LRRTM4: variants seen among roughly 807,000 people sequenced by gnomAD.
LRRTM4 encodes leucine-rich repeat transmembrane neuronal protein 4.
LRRTM4 carries 25 observed loss-of-function variants against 47.6 expected under a neutral mutation model. That is an observed-to-expected ratio of 0.53 (90% CI 0.38 to 0.73). LRRTM4 has a LOEUF of 0.73. LRRTM4 is among the 30% of genes least tolerant of loss of function. LRRTM4 has a pLI of 0.00. For missense variants in LRRTM4, 638 were observed against 713.4 expected, an observed-to-expected ratio of 0.89 and a Z score of 1.20; for synonymous variants, 311 against 269.5, an observed-to-expected ratio of 1.15 and a Z score of -1.51.
rs1210748403 is a variant in LRRTM4 at position 77,101,118 on chromosome 2, C to G, written c.1552-352202G>C. Among the ~76,000 whole-genome samples, 5 of 152,014 alleles carry G rather than the reference C, an allele frequency of 3.3e-5. 1 individual carries two copies. The East Asian group carries it at 9.7e-4, about 29-fold the overall frequency. ...CCAAAGTGCTGGGACGTAGTACTGA[C>G]TTTTTTAGTTAATCTTACCATCTAT... On this transcript the variant is annotated intron_variant, in intron 3 of 3. Coordinates refer to ENST00000409884, the MANE Select transcript of LRRTM4 (RefSeq NM_001134745.3).
At chr2:76,961,012 G>C (rs528576359) in intron 3 of LRRTM4, among the ~76,000 whole-genome samples, 40 of 151,510 alleles carry the variant, frequency 2.6e-4, no homozygotes, top group African/African-American at 8.4e-4. Flanking sequence ...ACTTGTGAAA[G>C]ATTAGAGAAT....
chr2:76,960,243 G>A (rs182893264), intron 3 of LRRTM4, among the ~76,000 whole-genome samples: 45 of 151,660 alleles, frequency 3.0e-4, no homozygotes, highest in African/African-American at 8.7e-4. Flanking sequence ...TGTTTCAAGT[G>A]TATCAGCTAG....
chr2:77,411,424 C>CTTTGTTTCTT (rs72056870), intron 3 of LRRTM4, among the ~76,000 whole-genome samples: 8 of 94,420 alleles, frequency 8.5e-5, no homozygotes, highest in African/African-American at 2.3e-4. Context: ...TTTCTTGTTT[C>CTTTGTTTCTT]TCTCTCTCTC....
At chr2:77,149,862 C>T (rs1345328252) in intron 3 of LRRTM4, among the ~76,000 whole-genome samples, 1 of 152,178 alleles carries the variant, frequency 6.6e-6, no homozygotes, top group Non-Finnish European at 1.5e-5. Flanking sequence ...ACTCTCCCTC[C>T]TGCTCTGATA....
intron 3 of LRRTM4, among the ~76,000 whole-genome samples, chr2:77,382,932 C>T (rs1403646717): frequency 6.6e-6 from 1 of 152,054 alleles, no homozygotes; most frequent in Non-Finnish European, 1.5e-5. Flanking sequence ...TTGAGTGGAG[C>T]ACTGAAATAA....
chr2:77,468,506 A>G (rs1457399950), intron 3 of LRRTM4, among the ~76,000 whole-genome samples: 1 of 152,190 alleles, frequency 6.6e-6, no homozygotes, highest in African/African-American at 2.4e-5. Flanking sequence ...CAAGTACTGG[A>G]AATCTTCAAA....
At chr2:76,859,440 A>T (rs1672248381) in intron 3 of LRRTM4, among the ~76,000 whole-genome samples, 1 of 152,138 alleles carries the variant, frequency 6.6e-6, no homozygotes, top group African/African-American at 2.4e-5. Flanking sequence ...TATTTATGTT[A>T]ATAGTATTGC....
At chr2:77,478,055 TC>T (rs1677508167) in intron 3 of LRRTM4, among the ~76,000 whole-genome samples, 1 of 152,118 alleles carries the variant, frequency 6.6e-6, no homozygotes, top group Non-Finnish European at 1.5e-5. Context: ...AGTATCCTCT[TC>T]AAGGCTACAT....
intron 3 of LRRTM4, among the ~76,000 whole-genome samples, chr2:77,231,223 G>GCA (rs1037299777): frequency 2.0e-5 from 3 of 150,286 alleles, no homozygotes; most frequent in Non-Finnish European, 4.4e-5. Context: ...ACACACACAT[G>GCA]CACACACACA....
chr2:77,311,033 G>A (rs1485247114), intron 3 of LRRTM4, among the ~76,000 whole-genome samples: 1 of 151,472 alleles, frequency 6.6e-6, no homozygotes, highest in East Asian at 1.9e-4. Flanking sequence ...TGGTGTGTGT[G>A]TGTGAGAGAT....
At chr2:76,871,171 A>T (rs749863184) in intron 3 of LRRTM4, among the ~76,000 whole-genome samples, 1 of 152,216 alleles carries the variant, frequency 6.6e-6, no homozygotes, top group Non-Finnish European at 1.5e-5. Context: ...TTCCATACAT[A>T]TAGAGATGCT....
intron 3 of LRRTM4, among the ~76,000 whole-genome samples, chr2:77,406,602 G>T (rs551884315): frequency 6.6e-6 from 1 of 151,912 alleles, no homozygotes; most frequent in South Asian, 2.1e-4. Flanking sequence ...CACCCAGTCT[G>T]ACATGCTCTC....
intron 3 of LRRTM4, among the ~76,000 whole-genome samples, chr2:77,007,216 G>C (rs1454456686): frequency 6.6e-6 from 1 of 151,840 alleles, no homozygotes; most frequent in African/African-American, 2.4e-5. Flanking sequence ...GATGAAGTGT[G>C]GGCACATTTG....
At chr2:77,088,838 T>A (rs978667235) in intron 3 of LRRTM4, among the ~76,000 whole-genome samples, 9 of 152,124 alleles carry the variant, frequency 5.9e-5, no homozygotes, top group African/African-American at 2.2e-4. Flanking sequence ...CGGCATCTTT[T>A]TACTCTCTTC....
intron 3 of LRRTM4, among the ~76,000 whole-genome samples, chr2:77,038,552 C>T (rs531791580): frequency 6.6e-6 from 1 of 151,444 alleles, no homozygotes; most frequent in African/African-American, 2.4e-5. Context: ...ATTCTGTATC[C>T]CCTTCAGTTG....
At chr2:76,812,373 T>G (rs764869717) in intron 3 of LRRTM4, among the ~76,000 whole-genome samples, 1 of 152,164 alleles carries the variant, frequency 6.6e-6, no homozygotes, top group East Asian at 1.9e-4. Flanking sequence ...ACCAATGAAA[T>G]GCTCTCTGAG....
intron 3 of LRRTM4, among the ~76,000 whole-genome samples, chr2:76,829,257 T>G (rs79596314): frequency 0.077 from 11,683 of 152,028 alleles, 496 homozygotes; most frequent in Middle Eastern, 0.14. Context: ...TTAATCTTAG[T>G]TGAGGGTGTC....
chr2:76,808,556 A>G (rs560810856), intron 3 of LRRTM4, among the ~76,000 whole-genome samples: 21 of 152,272 alleles, frequency 1.4e-4, no homozygotes, highest in African/African-American at 5.1e-4. Flanking sequence ...TTATTTATTG[A>G]TGCAAATATA....
At chr2:76,848,990 T>C (rs187654357) in intron 3 of LRRTM4, among the ~76,000 whole-genome samples, 126 of 152,268 alleles carry the variant, frequency 8.3e-4, no homozygotes, top group Non-Finnish European at 1.5e-3. Flanking sequence ...AGGCCATCTG[T>C]ACATTCCCTG....
Sources: gnomAD v4.1 joint callset for allele counts (sites outside exome capture counted in the v4.1 genomes callset) on GRCh38, gnomAD v4.1.1 for gene constraint, MANE v1.5 for transcripts, NCBI Gene and HGNC (gene_info 2026-07-23, HGNC 2026-07-21) for gene names.